Variants in HERC2 observed in about 807,000 individuals in gnomAD.
HERC2 encodes E3 ubiquitin-protein ligase HERC2.
Under a neutral mutation model 537.7 loss-of-function variants are expected in HERC2, and 102 were observed. That is an observed-to-expected ratio of 0.19 (90% confidence interval 0.16 to 0.22). HERC2 has a LOEUF of 0.22. Ranked by LOEUF, HERC2 falls within the 10% of genes least tolerant of loss-of-function variation. The pLI, the probability that HERC2 is intolerant of heterozygous loss-of-function variation, is 1.00. For synonymous variants in HERC2, 2,224 were observed against 2,466.2 expected (o/e 0.90, Z 2.91); for missense variants, 4,236 against 6,198.2 (o/e 0.68, Z 10.63).
chr15:28,260,092 C>A (rs1383537200), intron 16 of HERC2, among the ~76,000 whole-genome samples: 1 of 151,332 alleles, frequency 6.6e-6, no homozygotes, highest in Non-Finnish European at 1.5e-5. Flanking sequence ...GTAATCCCAG[C>A]ACTTTGGGAG....
chr15:28,193,640 A>G (rs576387353), intron 52 of HERC2, among the ~76,000 whole-genome samples: 6 of 152,138 alleles, frequency 3.9e-5, no homozygotes, highest in Non-Finnish European at 8.8e-5. Context: ...AAAGATAAAC[A>G]TCTCCATGCA....
At chr15:28,132,632 C>A (rs768379231) in intron 80 of HERC2, 21 bp downstream of exon 80, 1 of 1,441,998 alleles carries the variant, frequency 6.9e-7, no homozygotes, top group South Asian at 1.5e-5. Context: ...CCTCCGGCCT[C>A]TGCACACGGC....
chr15:28,192,396 TA>T, intron 52 of HERC2, among the ~76,000 whole-genome samples: 1 of 152,308 alleles, frequency 6.6e-6, no homozygotes, highest in East Asian at 1.9e-4. Context: ...AGCAGATTAA[TA>T]TATTTCCAAA....
At chr15:28,196,020 C>T (rs2428640) in intron 52 of HERC2, among the ~76,000 whole-genome samples, 195 bp downstream of exon 52, 9 of 152,162 alleles carry the variant, frequency 5.9e-5, no homozygotes, top group East Asian at 1.9e-4. Context: ...TCTTCCCCGA[C>T]ACCCCATCCT....
intron 48 of HERC2, among the ~76,000 whole-genome samples, chr15:28,200,515 T>C (rs1897803320): frequency 6.6e-6 from 1 of 152,118 alleles, no homozygotes; most frequent in Non-Finnish European, 1.5e-5. Context: ...GAGAAATAAA[T>C]GTCTGTTGTT....
chr15:28,212,496 T>C lies in HERC2; in HGVS notation c.6874A>G (p.Ser2292Gly). ...TTTATTTTGTGCTTTTCTAACTTGC[T>C]TCCAGCGAGGTTCACCAACTGAGCC... ...VWAQLVNLAG[S>G]KLEKHKIKKS... The change falls in exon 43 of 93, where the codon AGC becomes GGC. Residue 2292 changes from serine (S) to glycine (G), a missense_variant. Ser to Gly is a moderately conservative substitution (Grantham distance 56). Around this residue, in one of 27 missense-constraint regions of HERC2, gnomAD observed 67 missense variants for 140.1 expected, o/e 0.48. Transcript: ENST00000261609. 1.9e-6 allele frequency: 3 copies of C among 1,597,266 alleles called. No individual in the cohort carries two copies. The highest frequency in any genetic ancestry group is 1.7e-6 in the Non-Finnish European group (2 of 1,167,012).
At chr15:28,172,255 G>T (rs566827349) in intron 65 of HERC2, among the ~76,000 whole-genome samples, 2 of 152,094 alleles carry the variant, frequency 1.3e-5, no homozygotes, top group Non-Finnish European at 2.9e-5. Context: ...CCAAGCAAAC[G>T]ATTTTATAAA....
At chr15:28,173,212 C>G (rs1297074910) in intron 65 of HERC2, among the ~76,000 whole-genome samples, 1 of 152,234 alleles carries the variant, frequency 6.6e-6, no homozygotes, top group East Asian at 1.9e-4. Flanking sequence ...ATCCACTCCT[C>G]TCCTAGGAGT....
chr15:28,257,122 C>A lies in HERC2; in HGVS notation c.2456G>T (p.Trp819Leu), dbSNP rs2075287127. The change falls in exon 17 of 93, where the codon TGG (tryptophan) becomes TTG (leucine). Residue 819 changes from tryptophan to leucine, a missense_variant. Trp to Leu is a moderately conservative substitution (Grantham distance 61). This residue lies in a region of HERC2 where 754 missense variants were observed against 1,085.0 expected (regional missense o/e 0.69). Transcript: ENST00000261609. ...VSEGMDGSAD[W>L]PPPQEKECVA... is the part of the protein sequence containing the mutation. Reference sequence around the variant, plus strand: ...ACACTCTTTCTCCTGGGGCGGGGGCCAGTCCGCGGAACCATCCATCCCCTC... The same window carrying A: ...ACACTCTTTCTCCTGGGGCGGGGGCAAGTCCGCGGAACCATCCATCCCCTC... 1 of 1,613,764 alleles carries A rather than the reference C, an allele frequency of 6.2e-7. No individual in the cohort carries two copies. The highest frequency in any genetic ancestry group is 2.2e-5 in the East Asian group (1 of 44,874).
At position 28,312,009 on chromosome 15, in the gene HERC2, C is replaced by G. The variant is rs527935950; in HGVS notation, c.72+9353G>C. Among the ~76,000 whole-genome samples the G allele has an allele frequency of 3.3e-5, 5 of 152,322 alleles. No individual in the cohort carries two copies. In the South Asian group the frequency reaches 1.0e-3, roughly 32 times the overall value. On this transcript the variant is annotated intron_variant, in intron 2 of 92. Coordinates refer to ENST00000261609, the MANE Select transcript of HERC2 (RefSeq NM_004667.6). ...AGCACTGGGAAGGAAGAGGATAGGC[C>G]AGACCTTGTCTTTCTGAGTGACAAG...
chr15:28,259,819 T>G (rs748582777), intron 16 of HERC2, among the ~76,000 whole-genome samples: 1 of 147,684 alleles, frequency 6.8e-6, no homozygotes, highest in Non-Finnish European at 1.5e-5. Flanking sequence ...AATACAAAAA[T>G]TAGCCAGGCA....
chr15:28,124,271 C>A, intron 84 of HERC2, 37 bp from the exon 85 acceptor site: 1 of 1,364,812 alleles, frequency 7.3e-7, no homozygotes, highest in Non-Finnish European at 9.7e-7. Context: ...CCTCAGGCAC[C>A]AAAGGCACAC....
intron 65 of HERC2, 128 bp from the exon 66 acceptor site, chr15:28,169,783 T>C: frequency 1.2e-6 from 1 of 808,130 alleles, no homozygotes; most frequent in South Asian, 2.0e-5. Context: ...ACAAAGCACC[T>C]ATCAGGCTCA....
intron 4 of HERC2, among the ~76,000 whole-genome samples, chr15:28,283,361 A>G (rs1433018741): frequency 6.6e-6 from 1 of 152,238 alleles, no homozygotes; most frequent in East Asian, 1.9e-4. Flanking sequence ...ATGACAGCGA[A>G]TTTCTCATCA....
rs1179900191 is a variant in HERC2 at position 28,179,122 on chromosome 15, T to A, written c.9019+20A>T. Reference sequence around the variant, plus strand: ...TGCCAAGCATAATTTAAAAATTTTTTAAGATTAGAATAATCATACCTGCAA... The same window carrying A: ...TGCCAAGCATAATTTAAAAATTTTTAAAGATTAGAATAATCATACCTGCAA... On this transcript the variant is annotated intron_variant, in intron 58 of 92. Coordinates refer to ENST00000261609, the MANE Select transcript of HERC2 (RefSeq NM_004667.6). 6 of 1,603,042 alleles carry A rather than the reference T, an allele frequency of 3.7e-6. No individual in the cohort carries two copies. Among genetic ancestry groups the A allele is most frequent in the Non-Finnish European group, 5.1e-6 (6 of 1,176,596 alleles).
chr15:28,287,036 T>C (rs1462345669), intron 4 of HERC2, among the ~76,000 whole-genome samples: 1 of 152,132 alleles, frequency 6.6e-6, no homozygotes, highest in African/African-American at 2.4e-5. Flanking sequence ...AGGTGGTGAA[T>C]ATGTGCGTGC....
chr15:28,128,376 C>T (rs1420453842), intron 83 of HERC2, among the ~76,000 whole-genome samples: 1 of 152,216 alleles, frequency 6.6e-6, no homozygotes, highest in Non-Finnish European at 1.5e-5. Flanking sequence ...CAGCAACTCA[C>T]TCTCATGTGG....
chr15:28,136,054 C>T (rs1890600122), intron 78 of HERC2, among the ~76,000 whole-genome samples: 2 of 150,802 alleles, frequency 1.3e-5, no homozygotes, highest in South Asian at 4.2e-4. Flanking sequence ...AGCCACAAAA[C>T]ATACCCATAA....
chr15:28,198,307 A>C (rs1228184201), intron 50 of HERC2, 71 bp downstream of exon 50: 3 of 1,511,208 alleles, frequency 2.0e-6, no homozygotes, highest in Admixed American at 3.8e-5. Flanking sequence ...GCTTGAACAA[A>C]AAGAAATACT....
Sources: gnomAD v4.1 joint callset for allele counts (sites outside exome capture counted in the v4.1 genomes callset) on GRCh38, gnomAD v4.1.1 for gene constraint, gnomAD v4.1.1 regional missense constraint, MANE v1.5 for transcripts, NCBI Gene and HGNC (gene_info 2026-07-23, HGNC 2026-07-21) for gene names.